CNTNAP2: variants seen among roughly 807,000 people sequenced by gnomAD.
The protein encoded by CNTNAP2 is contactin-associated protein-like 2.
In CNTNAP2, 98 loss-of-function variants were observed where a neutral mutation model predicts 155.2. The ratio of observed to expected loss-of-function variants is 0.63; its 90% CI spans 0.54 to 0.75. The LOEUF (loss-of-function observed/expected upper bound fraction) is 0.75. Among genes scored for constraint, CNTNAP2 ranks in the 30% least tolerant of loss-of-function variants. CNTNAP2 has a pLI of 0.00. For synonymous variants in CNTNAP2, 651 were observed against 631.2 expected (o/e 1.03, Z -0.47); for missense variants, 1,727 against 1,688.1 (o/e 1.02, Z -0.40).
chr7:147,914,013 A>T (rs909395546), intron 14 of CNTNAP2, among the ~76,000 whole-genome samples: 9 of 152,190 alleles, frequency 5.9e-5, no homozygotes, highest in Non-Finnish European at 1.2e-4. Flanking sequence ...TCTTAAAAAA[A>T]ATATATGTTC....
intron 1 of CNTNAP2, among the ~76,000 whole-genome samples, chr7:146,510,232 C>A (rs1036739923): frequency 6.6e-6 from 1 of 152,192 alleles, no homozygotes; most frequent in East Asian, 1.9e-4. Context: ...CAGATATGAA[C>A]TCAAACAGGT....
rs144995991 is a variant in CNTNAP2, at chr7:146,812,796, G to A, written c.209-26915G>A. On this transcript the variant is annotated intron_variant, in intron 2 of 23. Coordinates refer to ENST00000361727, the MANE Select transcript of CNTNAP2 (RefSeq NM_014141.6). ...AGTGCCTCCCATCACAGACCCAGAG[G>A]CCTAGAAGGGAAATATTGTTTCCTG... 1.2e-3 allele frequency among the ~76,000 whole-genome samples: 182 copies of A among 152,294 alleles called. 2 individuals are homozygous for A. Among genetic ancestry groups the A allele is most frequent in the African/African-American group, 2.7e-3 (112 of 41,572 alleles).
intron 13 of CNTNAP2, among the ~76,000 whole-genome samples, chr7:147,728,985 GTATAATA>G: frequency 6.7e-6 from 1 of 148,942 alleles, no homozygotes; most frequent in South Asian, 2.1e-4. Flanking sequence ...AAAATTATAT[GTATAATA>G]TATATTATGT....
chr7:148,241,827 T>G (rs999720249), intron 20 of CNTNAP2, among the ~76,000 whole-genome samples: 4 of 152,254 alleles, frequency 2.6e-5, no homozygotes, highest in African/African-American at 9.6e-5. Context: ...TAAAGCAATT[T>G]CATCTGCAAA....
intron 15 of CNTNAP2, among the ~76,000 whole-genome samples, chr7:148,077,770 C>T (rs894989039): frequency 3.9e-5 from 6 of 152,148 alleles, no homozygotes; most frequent in African/African-American, 1.4e-4. Context: ...AGAAAATAAA[C>T]AAGGACCTTA....
chr7:147,380,662 C>T (rs1227302610), intron 9 of CNTNAP2, among the ~76,000 whole-genome samples: 5 of 152,098 alleles, frequency 3.3e-5, no homozygotes, highest in Non-Finnish European at 2.9e-5. Flanking sequence ...AAAGCAACTC[C>T]TGAGATAGAG....
chr7:147,856,340 C>T (rs1194259828), intron 13 of CNTNAP2, among the ~76,000 whole-genome samples: 2 of 152,170 alleles, frequency 1.3e-5, no homozygotes, highest in African/African-American at 2.4e-5. Context: ...AAGCAGCGGA[C>T]TCATGTGTGC....
intron 1 of CNTNAP2, among the ~76,000 whole-genome samples, chr7:146,684,026 A>G (rs1249081977): frequency 6.6e-6 from 1 of 152,146 alleles, no homozygotes; most frequent in African/African-American, 2.4e-5. Flanking sequence ...CTCTCCTTTG[A>G]CAAGCCCGTC....
rs147813261 is a variant in CNTNAP2, at chr7:147,168,889, C to A, written c.1348+36380C>A. On this transcript the variant is annotated intron_variant, in intron 8 of 23. Transcript: ENST00000361727. ...ATGGAAAAAGCAAAAGTATAGTCAG[C>A]ATTCTGTATCATATATGACATATAG... Among the ~76,000 whole-genome samples, 581 of 152,218 alleles carry A rather than the reference C, an allele frequency of 3.8e-3. 7 individuals carry two copies. The highest frequency in any genetic ancestry group is 0.013 in the African/African-American group (556 of 41,530).
At chr7:147,402,541 G>A (rs1370741673) in intron 10 of CNTNAP2, among the ~76,000 whole-genome samples, 1 of 152,120 alleles carries the variant, frequency 6.6e-6, no homozygotes. Flanking sequence ...TCAGTTCTGG[G>A]TAAATTAGGA....
intron 9 of CNTNAP2, among the ~76,000 whole-genome samples, chr7:147,385,810 C>T (rs1384246623): frequency 6.6e-6 from 1 of 152,232 alleles, no homozygotes; most frequent in East Asian, 1.9e-4. Flanking sequence ...CACAGCTCCA[C>T]TAGGCAGTGC....
intron 13 of CNTNAP2, among the ~76,000 whole-genome samples, chr7:147,814,203 A>C (rs953629267): frequency 6.6e-6 from 1 of 152,226 alleles, no homozygotes; most frequent in African/African-American, 2.4e-5. Flanking sequence ...CTCTGATATT[A>C]AATATGGGTG....
intron 8 of CNTNAP2, among the ~76,000 whole-genome samples, chr7:147,299,662 C>T (rs1021355662): frequency 4.6e-5 from 7 of 152,112 alleles, no homozygotes; most frequent in African/African-American, 1.7e-4. Flanking sequence ...CAAAGACAGA[C>T]TTTAGATAAA....
chr7:147,304,897 T>C (rs1408160611), intron 9 of CNTNAP2, among the ~76,000 whole-genome samples: 1 of 152,188 alleles, frequency 6.6e-6, no homozygotes, highest in African/African-American at 2.4e-5. Flanking sequence ...AGATTCCACG[T>C]CTGCTGAGGG....
chr7:147,912,497 C>T (rs1800084465), intron 14 of CNTNAP2, among the ~76,000 whole-genome samples: 2 of 152,204 alleles, frequency 1.3e-5, no homozygotes, highest in Non-Finnish European at 2.9e-5. Context: ...GGGCCCCCTA[C>T]TCAACCTCAG....
chr7:146,996,386 A>G (rs956656873), intron 3 of CNTNAP2, among the ~76,000 whole-genome samples: 1 of 152,054 alleles, frequency 6.6e-6, no homozygotes, highest in African/African-American at 2.4e-5. Context: ...CTTCTTCAAT[A>G]TGTTTCACCA....
At chr7:146,587,214 T>C (rs1355914011) in intron 1 of CNTNAP2, among the ~76,000 whole-genome samples, 2 of 152,210 alleles carry the variant, frequency 1.3e-5, no homozygotes, top group East Asian at 3.8e-4. Context: ...GGCCTGTGTA[T>C]ACATGGGCCT....
intron 14 of CNTNAP2, among the ~76,000 whole-genome samples, chr7:147,918,272 A>G (rs1332746250): frequency 6.6e-6 from 1 of 152,248 alleles, no homozygotes; most frequent in Non-Finnish European, 1.5e-5. Flanking sequence ...TTTGCAATGT[A>G]AGCCAAATGT....
chr7:147,266,318 A>G (rs904782803), intron 8 of CNTNAP2, among the ~76,000 whole-genome samples: 3 of 152,234 alleles, frequency 2.0e-5, no homozygotes, highest in Non-Finnish European at 4.4e-5. Context: ...AAAACATAGC[A>G]CAAAGATATT....
Sources: gnomAD v4.1 joint callset for allele counts (sites outside exome capture counted in the v4.1 genomes callset) on GRCh38, gnomAD v4.1.1 for gene constraint, MANE v1.5 for transcripts, NCBI Gene and HGNC (gene_info 2026-07-23, HGNC 2026-07-21) for gene names.